ZCRB1: variants seen among roughly 807,000 people sequenced by gnomAD.
ZCRB1 encodes zinc finger CCHC-type and RNA-binding motif-containing protein 1.
Under a neutral mutation model 29.9 loss-of-function variants are expected in ZCRB1, and 21 were observed. The observed-to-expected ratio is 0.70, with a 90% CI of 0.50 to 1.01. The LOEUF (loss-of-function observed/expected upper bound fraction) is 1.01. ZCRB1 is among the 50% of genes least tolerant of loss of function. The pLI is 0.00. For missense variants in ZCRB1, 204 were observed against 253.3 expected (o/e 0.81, Z 1.32); for synonymous variants, 77 against 80.0 (o/e 0.96, Z 0.20).
At chr12:42,317,638 G>T in intron 4 of ZCRB1, 149 bp downstream of exon 4, 1 of 791,088 alleles carries the variant, frequency 1.3e-6, no homozygotes, top group Non-Finnish European at 2.0e-6. Flanking sequence ...GAACCCAGTA[G>T]TTTGACCTCT....
chr12:42,319,853 A>G (rs17091072), intron 3 of ZCRB1, among the ~76,000 whole-genome samples: 2,725 of 152,328 alleles, frequency 0.018, 93 homozygotes, highest in African/African-American at 0.063. Context: ...AGTAGTTTCT[A>G]AAAGAGTACA....
At chr12:42,317,548 AT>A in intron 4 of ZCRB1, 101 bp from the exon 5 acceptor site, 1 of 1,053,126 alleles carries the variant, frequency 9.5e-7, no homozygotes, top group Non-Finnish European at 1.3e-6. Context: ...TTTATTTTGG[AT>A]TTTTTAGCAA....
chr12:42,314,757 G>A (rs568735497), intron 5 of ZCRB1, among the ~76,000 whole-genome samples: 2 of 152,144 alleles, frequency 1.3e-5, no homozygotes, highest in South Asian at 2.1e-4. Flanking sequence ...TTCAAGACCC[G>A]CCTGGCCAAC....
intron 6 of ZCRB1, 26 bp downstream of exon 6, chr12:42,313,848 G>A (rs1206728113): frequency 6.2e-7 from 1 of 1,608,052 alleles, no homozygotes; most frequent in Non-Finnish European, 8.5e-7. Flanking sequence ...ACATGATGAT[G>A]TATTTAGTAA....
rs760415375 is a variant in ZCRB1, at chr12:42,313,133, A to T, written c.588T>A (p.Asp196Glu). The T allele has an allele frequency of 6.2e-7, 1 of 1,612,746 alleles. No homozygotes were observed. The highest frequency in any genetic ancestry group is 1.1e-5 in the South Asian group (1 of 90,736). ...KPSSGVPSTSDDSRRPRIKKS... is the reference protein window; with the variant it reads ...KPSSGVPSTSEDSRRPRIKKS... ...TCTTTATCCTTGGGCGTCTTGAATC[A>T]TCTGATGTTGAGGGGACTCCTGAAC... The change falls in exon 8 of 8, where the codon GAT becomes GAA. Residue 196 changes from aspartate (D) to glutamate (E), a missense_variant. Physicochemically the swap from Asp to Glu is conservative, Grantham distance 45. Coordinates refer to ENST00000266529, the MANE Select transcript of ZCRB1 (RefSeq NM_033114.4).
intron 3 of ZCRB1, 51 bp from the exon 4 acceptor site, chr12:42,317,949 ATAC>A: frequency 7.2e-7 from 1 of 1,392,732 alleles, no homozygotes; most frequent in Non-Finnish European, 9.9e-7. Flanking sequence ...AATAAAACAG[ATAC>A]TAATACTTGA....
chr12:42,316,147 T>G (rs1185732161), intron 5 of ZCRB1, among the ~76,000 whole-genome samples: 2 of 152,244 alleles, frequency 1.3e-5, no homozygotes, highest in East Asian at 3.9e-4. Context: ...CAGGCTGGAG[T>G]GCAGTGGAGT....
Position 42,317,421 on chromosome 12 carries a change from G to A in ZCRB1, c.252C>T (p.Ser84=), listed in dbSNP as rs779911418. Residue 84 remains serine (S), a synonymous_variant, in exon 5 of 8, where the codon AGC becomes AGT. Transcript: ENST00000266529. ...CTGCTCTTCCATTGTCAATAGCAAT[G>A]CTTGCTTTTATCACTCTACCAAATA... ...KQLFGRVIKA[S]IAIDNGRAAE... 24 of 1,610,694 alleles carry A rather than the reference G, an allele frequency of 1.5e-5. No individual in the cohort carries two copies. In the East Asian group the frequency reaches 5.4e-4, roughly 36 times the overall value.
intron 3 of ZCRB1, among the ~76,000 whole-genome samples, chr12:42,319,697 T>C (rs996524164): frequency 1.3e-5 from 2 of 152,244 alleles, no homozygotes; most frequent in Non-Finnish European, 2.9e-5. Flanking sequence ...TGAATTGTGT[T>C]ATTCATAAAC....
At chr12:42,325,536 C>G (rs1325157156) in intron 1 of ZCRB1, 1 of 151,980 alleles carries the variant, frequency 6.6e-6, no homozygotes, top group African/African-American at 2.4e-5. Context: ...AGCAAATTAC[C>G]GTGAAAATAT....
At chr12:42,319,131 T>TA in intron 3 of ZCRB1, among the ~76,000 whole-genome samples, 1 of 152,276 alleles carries the variant, frequency 6.6e-6, no homozygotes, top group East Asian at 1.9e-4. Context: ...TCTTTTTTTT[T>TA]AAAGTAGTAT....
intron 3 of ZCRB1, among the ~76,000 whole-genome samples, chr12:42,321,242 T>C (rs1419180991): frequency 6.6e-6 from 1 of 152,194 alleles, no homozygotes. Context: ...ACTATATATT[T>C]ATATGGAGAT....
chr12:42,322,361 G>T, intron 3 of ZCRB1, 57 bp downstream of exon 3: 1 of 1,384,910 alleles, frequency 7.2e-7, no homozygotes, highest in Non-Finnish European at 9.6e-7. Context: ...AAAAAATGTA[G>T]AAGCAAATTC....
chr12:42,314,049 G>T, intron 5 of ZCRB1, 63 bp from the exon 6 acceptor site: 4 of 1,526,400 alleles, frequency 2.6e-6, no homozygotes, highest in Non-Finnish European at 3.5e-6. Flanking sequence ...ATAAAAACTT[G>T]CCTGGTACCT....
intron 2 of ZCRB1, 115 bp from the exon 3 acceptor site, chr12:42,322,561 C>T: frequency 6.1e-6 from 7 of 1,151,760 alleles, no homozygotes; most frequent in Non-Finnish European, 8.2e-6. Context: ...TTTCAGCCTT[C>T]AGTCTATAAG....
intron 5 of ZCRB1, 103 bp from the exon 6 acceptor site, chr12:42,314,089 G>C: frequency 8.3e-7 from 1 of 1,203,174 alleles, no homozygotes; most frequent in Non-Finnish European, 1.1e-6. Context: ...AATTTAAAAA[G>C]GAATATTCCC....
chr12:42,318,112 G>A (rs1329654478), intron 3 of ZCRB1, among the ~76,000 whole-genome samples: 2 of 152,186 alleles, frequency 1.3e-5, no homozygotes, highest in Non-Finnish European at 2.9e-5. Flanking sequence ...ATGATTAGGA[G>A]TTAATCAGAG....
At chr12:42,322,617 T>G (rs2068627418) in intron 2 of ZCRB1, among the ~76,000 whole-genome samples, 171 bp from the exon 3 acceptor site, 1 of 152,236 alleles carries the variant, frequency 6.6e-6, no homozygotes, top group African/African-American at 2.4e-5. Context: ...AATAATATAC[T>G]TACTGTTGTT....
chr12:42,312,118 T>C lies in ZCRB1; in HGVS notation c.*949A>G, dbSNP rs750477039. 6.6e-6 allele frequency: 1 copy of C among 152,126 alleles called. No individual in the cohort carries two copies. Among genetic ancestry groups the C allele is most frequent in the Non-Finnish European group, 1.5e-5 (1 of 68,028 alleles). 9.4% of individuals were successfully genotyped at this position (152,126 alleles called of 1,614,324 possible). A position where few individuals can be genotyped will look rare whatever the true frequency, so the allele number is the denominator to read the frequency against. The stretch of plus-strand genomic sequence containing the variant: ...TCAAATATCTTTTTAATATATTTTT[T>C]CTTGGGATGACAATAATAATATTAC... On this transcript the variant is annotated 3_prime_UTR_variant, in exon 8 of 8. Coordinates refer to ENST00000266529, the MANE Select transcript of ZCRB1 (RefSeq NM_033114.4).
Sources: gnomAD v4.1 joint callset for allele counts (sites outside exome capture counted in the v4.1 genomes callset) on GRCh38, gnomAD v4.1.1 for gene constraint, MANE v1.5 for transcripts, NCBI Gene and HGNC (gene_info 2026-07-23, HGNC 2026-07-21) for gene names.